The following WASF2 variants were observed in gnomAD, a reference collection of about 807,000 sequenced individuals.
WASF2 encodes the protein WASP family member 2, also known as actin-binding protein WASF2.
In WASF2, 14 loss-of-function variants were observed where a neutral mutation model predicts 45.0. That is an observed-to-expected ratio of 0.31 (90% CI 0.21 to 0.49). WASF2 has a LOEUF of 0.49. WASF2 is among the 20% of genes least tolerant of loss of function. The probability of loss-of-function intolerance (pLI) is 0.99; values close to 1 mark genes in which losing one functional copy is unlikely to be tolerated. For synonymous variants in WASF2, 200 were observed against 236.3 expected, an observed-to-expected ratio of 0.85 and a Z score of 1.41; for missense variants, 439 against 636.1, an observed-to-expected ratio of 0.69 and a Z score of 3.33.
intron 1 of WASF2, among the ~76,000 whole-genome samples, chr1:27,477,412 T>C (rs1269348011): frequency 6.6e-6 from 1 of 152,058 alleles, no homozygotes; most frequent in Non-Finnish European, 1.5e-5. Flanking sequence ...TGTTGACACA[T>C]GCCTACAATC....
intron 1 of WASF2, among the ~76,000 whole-genome samples, chr1:27,458,085 G>A (rs962378000): frequency 4.6e-5 from 7 of 152,044 alleles, no homozygotes; most frequent in Admixed American, 2.6e-4. Context: ...CGAGACAGGC[G>A]GATTGCCTGA....
intron 3 of WASF2, 66 bp from the exon 4 acceptor site, chr1:27,418,488 C>T: frequency 1.2e-6 from 2 of 1,607,160 alleles, no homozygotes; most frequent in Non-Finnish European, 1.7e-6. Flanking sequence ...TGAGTCACAC[C>T]AGTCGGAGAG....
chr1:27,452,060 G>A (rs1220816513), intron 1 of WASF2, among the ~76,000 whole-genome samples: 1 of 152,160 alleles, frequency 6.6e-6, no homozygotes, highest in Non-Finnish European at 1.5e-5. Flanking sequence ...GGATAAGGCA[G>A]GAGACCACTG....
chr1:27,443,103 G>C (rs1413071516), intron 1 of WASF2, among the ~76,000 whole-genome samples: 1 of 151,126 alleles, frequency 6.6e-6, no homozygotes, highest in Non-Finnish European at 1.5e-5. Context: ...AGTCGAGCCT[G>C]CAGTAGGCTG....
At chr1:27,432,925 G>A (rs1047457711) in intron 1 of WASF2, among the ~76,000 whole-genome samples, 2 of 151,958 alleles carry the variant, frequency 1.3e-5, no homozygotes, top group Non-Finnish European at 2.9e-5. Context: ...CACCATGCCT[G>A]GCTAATTTAT....
chr1:27,423,406 G>A (rs1215261256), intron 2 of WASF2, among the ~76,000 whole-genome samples: 2 of 152,072 alleles, frequency 1.3e-5, no homozygotes, highest in Non-Finnish European at 2.9e-5. Context: ...GGCTGGTCTC[G>A]AACTCCCAAC....
chr1:27,439,859 G>A (rs1557605996), intron 1 of WASF2, among the ~76,000 whole-genome samples: 1 of 151,884 alleles, frequency 6.6e-6, no homozygotes, highest in Non-Finnish European at 1.5e-5. Context: ...AGTTAGCCAG[G>A]TGTAGTGGTA....
intron 1 of WASF2, among the ~76,000 whole-genome samples, chr1:27,451,980 C>T (rs1053006869): frequency 6.6e-6 from 1 of 152,180 alleles, no homozygotes; most frequent in African/African-American, 2.4e-5. Flanking sequence ...TGAATGTGGT[C>T]TCTCAAAACA....
rs372731956 is a variant in WASF2 at position 27,478,148 on chromosome 1, T to A, written c.-44+11838A>T. 1.6e-4 allele frequency among the ~76,000 whole-genome samples: 24 copies of A among 151,058 alleles called. No homozygotes were observed. The East Asian group carries it at 4.7e-3, about 29-fold the overall frequency. On this transcript the variant is annotated intron_variant, in intron 1 of 8. Coordinates refer to ENST00000618852, the MANE Select transcript of WASF2 (RefSeq NM_006990.5). ...CTGCTTGAACCCGGGAGGCAGAGGTTGCAGCGAGCCGAGATCCTGCCACTG... is the reference window on the plus strand; with the variant it reads ...CTGCTTGAACCCGGGAGGCAGAGGTAGCAGCGAGCCGAGATCCTGCCACTG...
At chr1:27,478,669 G>A (rs561591025) in intron 1 of WASF2, among the ~76,000 whole-genome samples, 3 of 152,040 alleles carry the variant, frequency 2.0e-5, no homozygotes, top group East Asian at 1.9e-4. Flanking sequence ...TGCAAACTCC[G>A]CCTCCCAGGT....
intron 2 of WASF2, among the ~76,000 whole-genome samples, chr1:27,424,624 C>T (rs1410722014): frequency 6.6e-6 from 1 of 152,014 alleles, no homozygotes; most frequent in African/African-American, 2.4e-5. Flanking sequence ...CCTCCTACCC[C>T]AGCCTTGCAC....
At position 27,419,043 on chromosome 1, in the gene WASF2, T is replaced by C. The variant is rs764582301; in HGVS notation, c.176A>G (p.Asn59Ser). ...DIFGELFTQA[N>S]TFASRVSSLA... ...GGAGCTTACCCGAGAGGCAAAGGTA[T>C]TTGCCTGAGTAAAGAGCTCTCCAAA... Residue 59 changes from asparagine (N) to serine (S), a missense_variant, in exon 3 of 9, where the codon AAT becomes AGT. Asn to Ser is a conservative substitution (Grantham distance 46, BLOSUM62 1). This residue lies in a region of WASF2 where 98 missense variants were observed against 120.7 expected (regional missense o/e 0.81). Coordinates refer to ENST00000618852, the MANE Select transcript of WASF2 (RefSeq NM_006990.5). 1 of 1,614,062 alleles carries C rather than the reference T, an allele frequency of 6.2e-7. No homozygotes were observed. The highest frequency in any genetic ancestry group is 1.1e-5 in the South Asian group (1 of 91,070).
chr1:27,414,113 C>A lies in WASF2; in HGVS notation c.668+720G>T, dbSNP rs1027404213. 2.6e-5 allele frequency among the ~76,000 whole-genome samples: 4 copies of A among 152,178 alleles called. No homozygotes were observed. Among genetic ancestry groups the A allele is most frequent in the African/African-American group, 9.7e-5 (4 of 41,442 alleles). Reference sequence around the variant, plus strand: ...TGATGCAGTGTATTTAGAGAAAAAACCAGGGCGACATTCATGCCAAGCAGT... The same window carrying A: ...TGATGCAGTGTATTTAGAGAAAAAAACAGGGCGACATTCATGCCAAGCAGT... On this transcript the variant is annotated intron_variant, in intron 6 of 8. Coordinates refer to ENST00000618852, the MANE Select transcript of WASF2 (RefSeq NM_006990.5). This position sits in a 1 kb window ranked among gnomAD's most constrained non-coding sequence, Gnocchi z 4.1.
intron 1 of WASF2, among the ~76,000 whole-genome samples, chr1:27,463,804 A>ATTTTTTTTTTTTTTTTTTTTATTT (rs1553151290): frequency 7.3e-6 from 1 of 137,190 alleles, no homozygotes; most frequent in Non-Finnish European, 1.6e-5. Context: ...TATTATTATT[A>ATTTTTTTTTTTTTTTTTTTTATTT]TTTTTTTTTT....
chr1:27,413,674 T>C (rs1360436202), intron 6 of WASF2, among the ~76,000 whole-genome samples: 2 of 151,984 alleles, frequency 1.3e-5, no homozygotes, highest in South Asian at 2.1e-4. Flanking sequence ...AACAGGAAAA[T>C]GGAAGGCAAA....
chr1:27,466,261 AAAG>A (rs1278298842), intron 1 of WASF2, among the ~76,000 whole-genome samples: 6 of 152,236 alleles, frequency 3.9e-5, no homozygotes, highest in African/African-American at 1.2e-4. Flanking sequence ...CAACAACAAA[AAAG>A]AATGATAGAA....
In WASF2 at chr1:27,410,758, G is replaced by C. The variant is rs1184380390; in HGVS notation, c.825-552C>G. ...GAGTGGGATATAGATTTAGGTGAAT[G>C]CATCTTCAGTGCTCATGTGGGGAAA... On this transcript the variant is annotated intron_variant, in intron 7 of 8. Coordinates refer to ENST00000618852, the MANE Select transcript of WASF2 (RefSeq NM_006990.5). The surrounding 1 kb of genome is among the most constrained non-coding windows in gnomAD (Gnocchi z 4.2). Among the ~76,000 whole-genome samples the C allele has an allele frequency of 6.6e-6, 1 of 152,230 alleles. No individual in the cohort carries two copies. The highest frequency in any genetic ancestry group is 1.5e-5 in the Non-Finnish European group (1 of 68,040).
chr1:27,471,592 T>C (rs1342506679), intron 1 of WASF2, among the ~76,000 whole-genome samples: 6 of 151,984 alleles, frequency 3.9e-5, no homozygotes, highest in Non-Finnish European at 7.4e-5. Context: ...GGCGCCACTG[T>C]ACTGCAGCCT....
intron 1 of WASF2, among the ~76,000 whole-genome samples, chr1:27,455,209 T>C (rs1315900031): frequency 2.0e-5 from 3 of 152,144 alleles, no homozygotes; most frequent in Admixed American, 6.6e-5. Context: ...CGATTACTGA[T>C]GAGGCTGAGC....
Sources: gnomAD v4.1 joint callset for allele counts (sites outside exome capture counted in the v4.1 genomes callset) on GRCh38, gnomAD v4.1.1 for gene constraint, gnomAD v4.1.1 regional missense constraint, Gnocchi (gnomAD v3.1) non-coding constraint, MANE v1.5 for transcripts, NCBI Gene and HGNC (gene_info 2026-07-23, HGNC 2026-07-21) for gene names.